Variants in KIF5C observed in about 807,000 individuals in gnomAD.
KIF5C encodes kinesin heavy chain isoform 5C.
Under a neutral mutation model 125.2 loss-of-function variants are expected in KIF5C, and 18 were observed. The observed-to-expected ratio is 0.14, with a 90% CI of 0.10 to 0.21. The LOEUF is 0.21. Among genes scored for constraint, KIF5C ranks in the 10% least tolerant of loss-of-function variants. The pLI is 1.00. For missense variants in KIF5C, 780 were observed against 1,183.8 expected (o/e 0.66, Z 5.01); for synonymous variants, 405 against 434.0 (o/e 0.93, Z 0.83).
At chr2:148,908,941 G>A (rs1008732819) in intron 1 of KIF5C, among the ~76,000 whole-genome samples, 1 of 152,188 alleles carries the variant, frequency 6.6e-6, no homozygotes, top group African/African-American at 2.4e-5. Flanking sequence ...TGGCACAAAA[G>A]CAGTGAAGTC....
intron 11 of KIF5C, among the ~76,000 whole-genome samples, chr2:148,969,049 C>A (rs183123855): frequency 6.6e-6 from 1 of 152,052 alleles, no homozygotes; most frequent in African/African-American, 2.4e-5. Context: ...TTTAGGAACT[C>A]AACTTATGAA....
At chr2:148,881,902 TA>T (rs1681370272) in intron 1 of KIF5C, among the ~76,000 whole-genome samples, 1 of 152,186 alleles carries the variant, frequency 6.6e-6, no homozygotes, top group African/African-American at 2.4e-5. Context: ...ACAAATTGCC[TA>T]CTCCCTAATG....
intron 12 of KIF5C, among the ~76,000 whole-genome samples, chr2:148,977,848 G>A (rs1305721859): frequency 2.6e-5 from 4 of 152,178 alleles, no homozygotes; most frequent in African/African-American, 4.8e-5. Flanking sequence ...GGAATATCCC[G>A]TGGAACATTG....
chr2:148,992,535 TG>T (rs1272162678), intron 16 of KIF5C, among the ~76,000 whole-genome samples: 1 of 152,230 alleles, frequency 6.6e-6, no homozygotes, highest in East Asian at 1.9e-4. Context: ...AAATATCCAT[TG>T]ATAGACTAAT....
intron 1 of KIF5C, among the ~76,000 whole-genome samples, chr2:148,896,822 CCTCTCTCT>C (rs70995344): frequency 6.7e-6 from 1 of 149,358 alleles, no homozygotes; most frequent in East Asian, 2.0e-4. Context: ...CATGATCCTT[CCTCTCTCT>C]CTCTCTCTCT....
At chr2:148,917,325 T>G (rs1681596425) in intron 1 of KIF5C, among the ~76,000 whole-genome samples, 1 of 152,188 alleles carries the variant, frequency 6.6e-6, no homozygotes, top group African/African-American at 2.4e-5. Flanking sequence ...TCTTAGCATG[T>G]GTTATTGCGG....
At chr2:148,915,923 G>T (rs996114133) in intron 1 of KIF5C, among the ~76,000 whole-genome samples, 1 of 152,182 alleles carries the variant, frequency 6.6e-6, no homozygotes, top group Non-Finnish European at 1.5e-5. Flanking sequence ...TACCACCCCT[G>T]GGCATGGGAG....
chr2:149,000,001 G>A, intron 19 of KIF5C: 1 of 158,302 alleles, frequency 6.3e-6, no homozygotes. Flanking sequence ...GGACTTGGGA[G>A]ATGTTTTTAG....
At chr2:149,017,592 G>A (rs1176757897) in intron 25 of KIF5C, among the ~76,000 whole-genome samples, 1 of 152,200 alleles carries the variant, frequency 6.6e-6, no homozygotes, top group East Asian at 1.9e-4. Context: ...GGCGCCAGTA[G>A]GGCATTGCTG....
At chr2:148,911,863 T>C (rs1219693599) in intron 1 of KIF5C, among the ~76,000 whole-genome samples, 1 of 152,156 alleles carries the variant, frequency 6.6e-6, no homozygotes, top group Non-Finnish European at 1.5e-5. Context: ...AACTATTATC[T>C]GCTGGCCCAT....
intron 10 of KIF5C, among the ~76,000 whole-genome samples, chr2:148,959,850 T>C (rs1039578116): frequency 1.3e-5 from 2 of 152,202 alleles, no homozygotes; most frequent in Non-Finnish European, 2.9e-5. Flanking sequence ...GCTTCTTCCC[T>C]GCCAGATCAT....
chr2:148,921,170 C>T (rs1004023989), intron 1 of KIF5C, among the ~76,000 whole-genome samples: 4 of 152,178 alleles, frequency 2.6e-5, no homozygotes, highest in Admixed American at 1.3e-4. Context: ...AGTGATTGGG[C>T]GTCAGGGCAC....
rs536324130 is a variant in KIF5C, at chr2:148,940,553, C to T, written c.397-1057C>T. ...TGCTGGGTTAGAGTCTTTGCTTCCC[C>T]TTGACTGGTCCAGAGCTGGGATGTA... On this transcript the variant is annotated intron_variant, in intron 4 of 25. Coordinates refer to ENST00000435030, the MANE Select transcript of KIF5C (RefSeq NM_004522.3). Among the ~76,000 whole-genome samples the T allele has an allele frequency of 1.5e-3, 232 of 152,296 alleles. 1 individual carries two copies. The highest frequency in any genetic ancestry group is 5.4e-3 in the African/African-American group (226 of 41,558).
intron 11 of KIF5C, among the ~76,000 whole-genome samples, chr2:148,968,822 T>G (rs1011546836): frequency 3.9e-5 from 6 of 152,152 alleles, no homozygotes; most frequent in African/African-American, 1.2e-4. Context: ...CCAGCTGCTC[T>G]CACCCATCTG....
chr2:148,916,297 C>T (rs1341612718), intron 1 of KIF5C, among the ~76,000 whole-genome samples: 3 of 152,162 alleles, frequency 2.0e-5, no homozygotes. Flanking sequence ...AGACATGGCT[C>T]CTTGCCTTTT....
intron 25 of KIF5C, among the ~76,000 whole-genome samples, chr2:149,022,417 T>A (rs1213816363): frequency 6.6e-6 from 1 of 152,010 alleles, no homozygotes; most frequent in African/African-American, 2.4e-5. Context: ...TAAGTCCAAA[T>A]TGAGATGGGC....
At chr2:148,949,678 C>T (rs565398749) in intron 8 of KIF5C, among the ~76,000 whole-genome samples, 161 bp from the exon 9 acceptor site, 8 of 152,328 alleles carry the variant, frequency 5.3e-5, no homozygotes, top group African/African-American at 1.9e-4. Context: ...TCCCCAGCCT[C>T]ATACACGAAG....
intron 1 of KIF5C, among the ~76,000 whole-genome samples, chr2:148,895,516 T>C (rs900556310): frequency 1.3e-5 from 2 of 149,616 alleles, no homozygotes; most frequent in Admixed American, 6.6e-5. Flanking sequence ...TTTTTTTTTA[T>C]CTTGAATCTC....
At chr2:148,911,255 C>T (rs1450640849) in intron 1 of KIF5C, among the ~76,000 whole-genome samples, 1 of 152,038 alleles carries the variant, frequency 6.6e-6, no homozygotes, top group Non-Finnish European at 1.5e-5. Flanking sequence ...TGGAGACATT[C>T]TTAAATTTGG....
Sources: allele counts gnomAD v4.1 joint callset (sites outside exome capture counted in the v4.1 genomes callset), GRCh38; gene constraint gnomAD v4.1.1; transcripts MANE v1.5; gene names NCBI Gene and HGNC (gene_info 2026-07-23, HGNC 2026-07-21).